THUMPD1: variants seen among roughly 807,000 people sequenced by gnomAD.
THUMPD1 encodes the protein THUMP domain-containing protein 1.
Under a neutral mutation model 31.6 loss-of-function variants are expected in THUMPD1, and 31 were observed. The observed-to-expected ratio is 0.98, with a 90% CI of 0.74 to 1.32. The LOEUF (loss-of-function observed/expected upper bound fraction) is 1.32, where lower values mean the gene tolerates loss of function less well. THUMPD1 is among the 40% of genes most tolerant of loss of function. The pLI, the probability that THUMPD1 is intolerant of heterozygous loss-of-function variation, is 0.00. For synonymous variants in THUMPD1, 166 were observed against 158.2 expected (o/e 1.05, Z -0.37); for missense variants, 446 against 427.8 (o/e 1.04, Z -0.38).
intron 1 of THUMPD1, 27 bp downstream of exon 1, chr16:20,741,481 GC>G: frequency 7.6e-7 from 1 of 1,308,376 alleles, no homozygotes; most frequent in Non-Finnish European, 9.9e-7. Flanking sequence ...CTGGCAGCCG[GC>G]CCGCCCGCCC....
intron 1 of THUMPD1, among the ~76,000 whole-genome samples, chr16:20,740,604 C>T (rs929337517): frequency 3.3e-5 from 5 of 152,158 alleles, no homozygotes; most frequent in African/African-American, 4.8e-5. Flanking sequence ...TTTTATCTAG[C>T]TCAGCAGCAT....
At position 20,737,241 on chromosome 16, in the gene THUMPD1, T is replaced by C. The variant is rs1159883308; in HGVS notation, c.701A>G (p.Asn234Ser). ...LNSENKVDLT[N>S]PQYTVVVEII... Reference sequence around the variant, plus strand: ...TTCTACTACCACTGTGTACTGTGGATTGGTGAGATCCACTTTATTTTCTGA... The same window carrying C: ...TTCTACTACCACTGTGTACTGTGGACTGGTGAGATCCACTTTATTTTCTGA... Residue 234 changes from asparagine to serine, a missense_variant, in exon 4 of 4, where the codon AAT (asparagine) becomes AGT (serine). Transcript: ENST00000396083. The C allele has an allele frequency of 2.5e-6, 4 of 1,614,116 alleles. No individual in the cohort carries two copies. The highest frequency in any genetic ancestry group is 2.2e-5 in the South Asian group (2 of 91,076).
intron 1 of THUMPD1, 38 bp downstream of exon 1, chr16:20,741,471 C>G: frequency 6.9e-7 from 1 of 1,443,666 alleles, no homozygotes; most frequent in Non-Finnish European, 9.2e-7. Context: ...CCCGCAAGGC[C>G]TGGCAGCCGG....
intron 2 of THUMPD1, 150 bp from the exon 3 acceptor site, chr16:20,738,106 C>A (rs1198819938): frequency 2.5e-6 from 2 of 796,322 alleles, no homozygotes; most frequent in Non-Finnish European, 4.1e-6. Flanking sequence ...TCTTTCCAAA[C>A]AGTATTTCTT....
chr16:20,737,792 G>A lies in THUMPD1; in HGVS notation c.571C>T (p.Pro191Ser), dbSNP rs1433913900. 3 of 1,613,656 alleles carry A rather than the reference G, an allele frequency of 1.9e-6. No homozygotes were observed. Among genetic ancestry groups the A allele is most frequent in the Non-Finnish European group, 2.5e-6 (3 of 1,179,894 alleles). Residue 191 changes from proline to serine, a missense_variant, in exon 3 of 4, where the codon CCA becomes TCA. Pro to Ser is a moderately conservative substitution (Grantham distance 74). Coordinates refer to ENST00000396083, the MANE Select transcript of THUMPD1 (RefSeq NM_017736.5). ...ACAATCTGAAATGTCCCTTTGTTTG[G>A]AGCTTTAAACCAGGGTTCCAAAAAT... is the stretch of plus-strand genomic sequence containing the variant. ...ETFLEPWFKA[P>S]NKGTFQIVYK...
Position 20,737,006 on chromosome 16 carries a change from A to G in THUMPD1, c.936T>C (p.Asn312=). 1 of 1,613,990 alleles carries G rather than the reference A, an allele frequency of 6.2e-7. No individual in the cohort carries two copies. Among genetic ancestry groups the G allele is most frequent in the Non-Finnish European group, 8.5e-7 (1 of 1,179,990 alleles). The change falls in exon 4 of 4, where the codon AAT becomes AAC. Residue 312 remains asparagine, a synonymous_variant. Transcript: ENST00000396083. The part of the protein sequence containing the change: ...EGKNNQQVPE[N]TEELGQTKPT... ...GTTTTGTCTGCCCCAGCTCCTCAGTATTCTCTGGTACCTGCTGGTTATTTT... is the reference window on the plus strand; with the variant it reads ...GTTTTGTCTGCCCCAGCTCCTCAGTGTTCTCTGGTACCTGCTGGTTATTTT...
chr16:20,737,358 GTC>G (rs1488177050), intron 3 of THUMPD1, 72 bp from the exon 4 acceptor site: 18 of 1,470,868 alleles, frequency 1.2e-5, no homozygotes, highest in Non-Finnish European at 1.6e-5. Flanking sequence ...AAAATCTTTT[GTC>G]TCTGTTTCTT....
At chr16:20,739,133 A>C in intron 1 of THUMPD1, 62 bp from the exon 2 acceptor site, 1 of 1,523,350 alleles carries the variant, frequency 6.6e-7, no homozygotes, top group South Asian at 1.2e-5. Context: ...CACTATAAGT[A>C]ATTATTTATG....
rs935952975 is a variant in THUMPD1 at position 20,734,506 on chromosome 16, T to C, written c.*2374A>G. 1 of 152,160 alleles carries C rather than the reference T, an allele frequency of 6.6e-6. No individual in the cohort carries two copies. The highest frequency in any genetic ancestry group is 6.6e-5 in the Admixed American group (1 of 15,260). The allele number at this position is 152,160 out of a possible 1,614,324, so 9.4% of individuals were successfully genotyped here. A position where few individuals can be genotyped will look rare whatever the true frequency, so the allele number is the denominator to read the frequency against. On this transcript the variant is annotated 3_prime_UTR_variant, in exon 4 of 4. Transcript: ENST00000396083. ...CAAACAGAACCACCAGCTAGGAGGA[T>C]AAAAATACATTCCCATGTTCACTAG...
Position 20,736,790 on chromosome 16 carries a change from A to C in THUMPD1, c.*90T>G. 1 of 1,332,880 alleles carries C rather than the reference A, an allele frequency of 7.5e-7. No homozygotes were observed. The highest frequency in any genetic ancestry group is 1.0e-6 in the Non-Finnish European group (1 of 963,684). The allele number at this position is 1,332,880 out of a possible 1,614,324, so 82.6% of individuals were successfully genotyped here. A position where few individuals can be genotyped will look rare whatever the true frequency, so the allele number is the denominator to read the frequency against. ...AGCATAATGCAGCACACAAATAAAA[A>C]ACTGTTTTTAGTCACAATTTAAGGT... On this transcript the variant is annotated 3_prime_UTR_variant, in exon 4 of 4. Transcript: ENST00000396083.
In THUMPD1 at chr16:20,737,038, C is replaced by A; in HGVS notation, c.904G>T (p.Glu302Ter). 1 of 1,614,178 alleles carries A rather than the reference C, an allele frequency of 6.2e-7. No homozygotes were observed. The highest frequency in any genetic ancestry group is 8.5e-7 in the Non-Finnish European group (1 of 1,180,040). The change falls in exon 4 of 4, where the codon GAA becomes TAA. Residue 302 changes from glutamate to a stop codon, truncating the protein, a stop_gained. Coordinates refer to ENST00000396083, the MANE Select transcript of THUMPD1 (RefSeq NM_017736.5). LOFTEE classifies it high-confidence loss of function. ...ADKSDQNNTA[E>*]GKNNQQVPEN... ...GGTACCTGCTGGTTATTTTTTCCTT[C>A]TGCTGTGTTGTTTTGGTCTGATTTG...
chr16:20,738,208 C>T (rs780446265), intron 2 of THUMPD1: 33 of 527,260 alleles, frequency 6.3e-5, no homozygotes, highest in South Asian at 4.4e-4. Flanking sequence ...TAGGTAGACA[C>T]CGTTGTTAAC....
rs1458805449 is a variant in THUMPD1, at chr16:20,736,916, T to C, written c.1026A>G (p.Thr342=). 4 of 1,614,198 alleles carry C rather than the reference T, an allele frequency of 2.5e-6. No homozygotes were observed. In the East Asian group the frequency reaches 8.9e-5, roughly 36 times the overall value. ...CATTTTCATTTGACTTGGATCCTTC[T>C]GTGGCTTGACTTGCAAGTTCAGGTT... is the stretch of plus-strand genomic sequence containing the variant. The part of the protein sequence containing the change: ...GAKPELASQA[T]EGSKSNENDF... Residue 342 remains threonine (T), a synonymous_variant, in exon 4 of 4, where the codon ACA becomes ACG. Transcript: ENST00000396083.
At chr16:20,737,637 A>G (rs2079881803) in intron 3 of THUMPD1, 71 bp downstream of exon 3, 3 of 1,488,978 alleles carry the variant, frequency 2.0e-6, no homozygotes, top group Non-Finnish European at 2.7e-6. Flanking sequence ...AAATCTTTAA[A>G]AAGAAAAAAA....
intron 1 of THUMPD1, among the ~76,000 whole-genome samples, chr16:20,741,055 A>T (rs1337892940): frequency 6.6e-6 from 1 of 152,082 alleles, no homozygotes; most frequent in African/African-American, 2.4e-5. Context: ...GCTTGAGTGT[A>T]GGGTTTAGGA....
In THUMPD1 at chr16:20,735,117, A is replaced by C. The variant is rs1005556161; in HGVS notation, c.*1763T>G. The C allele has an allele frequency of 1.3e-4, 20 of 152,190 alleles. No individual in the cohort carries two copies. The highest frequency in any genetic ancestry group is 4.1e-4 in the African/African-American group (17 of 41,444). The allele number at this position is 152,190 out of a possible 1,614,324, so 9.4% of individuals were successfully genotyped here. On this transcript the variant is annotated 3_prime_UTR_variant, in exon 4 of 4. Transcript: ENST00000396083. ...ATCTAAGAGTCTTGTCGCTTTAAGA[A>C]AAATTTTTTTCCCCAGAACCTTTCA...
At position 20,736,494 on chromosome 16, in the gene THUMPD1, T is replaced by C. The variant is rs769399190; in HGVS notation, c.*386A>G. 3 of 178,496 alleles carry C rather than the reference T, an allele frequency of 1.7e-5. No individual in the cohort carries two copies. The highest frequency in any genetic ancestry group is 1.6e-4 in the South Asian group (1 of 6,444). The allele number at this position is 178,496 out of a possible 1,614,324, so 11.1% of individuals were successfully genotyped here. On this transcript the variant is annotated 3_prime_UTR_variant, in exon 4 of 4. Transcript: ENST00000396083. ...CATTTTTGCAATGTTTACAACAAAG[T>C]GGCAGGCAGACAGCTGAGCTGTGGC...
chr16:20,737,949 C>T lies in THUMPD1; in HGVS notation c.414G>A (p.Glu138=). 6.3e-7 allele frequency: 1 copy of T among 1,583,876 alleles called. No individual in the cohort carries two copies. Among genetic ancestry groups the T allele is most frequent in the Non-Finnish European group, 8.6e-7 (1 of 1,168,808 alleles). The change falls in exon 3 of 4, where the codon GAG becomes GAA. Residue 138 remains glutamate (E), a synonymous_variant. Coordinates refer to ENST00000396083, the MANE Select transcript of THUMPD1 (RefSeq NM_017736.5). The part of the protein sequence containing the change: ...VFIRTLGIEP[E]KLVHHILQDM... ...CCTGGAGAATATGATGCACCAATTT[C>T]TCAGGCTCTTAAGAAAAAAAAAAAG...
chr16:20,737,611 C>A, intron 3 of THUMPD1, 97 bp downstream of exon 3: 3 of 1,272,540 alleles, frequency 2.4e-6, no homozygotes, highest in East Asian at 2.5e-5. Flanking sequence ...GTTCTACACT[C>A]AAAAATGTAA....
Sources: gnomAD v4.1 joint callset for allele counts (sites outside exome capture counted in the v4.1 genomes callset) on GRCh38, gnomAD v4.1.1 for gene constraint, MANE v1.5 for transcripts, NCBI Gene and HGNC (gene_info 2026-07-23, HGNC 2026-07-21) for gene names.